Variants in RBM19 observed in about 807,000 individuals in gnomAD.
RBM19 encodes RNA binding motif protein 19.
RBM19 carries 94 observed loss-of-function variants against 116.8 expected under a neutral mutation model. That is an observed-to-expected ratio of 0.80 (90% CI 0.68 to 0.95). The LOEUF is 0.95. RBM19 is among the 40% of genes least tolerant of loss of function. The pLI is 0.00. For synonymous variants in RBM19, 475 were observed against 494.1 expected (o/e 0.96, Z 0.51); for missense variants, 1,161 against 1,220.7 (o/e 0.95, Z 0.73).
At chr12:113,839,318 G>T (rs1473145168) in intron 23 of RBM19, among the ~76,000 whole-genome samples, 4 of 152,238 alleles carry the variant, frequency 2.6e-5, no homozygotes, top group African/African-American at 9.6e-5. Flanking sequence ...AACATTTGAG[G>T]CTGCTGTGGG....
At chr12:113,958,600 G>A (rs1872186161) in intron 5 of RBM19, among the ~76,000 whole-genome samples, 1 of 152,028 alleles carries the variant, frequency 6.6e-6, no homozygotes, top group South Asian at 2.1e-4. Flanking sequence ...TGAGTTCCTC[G>A]GATGTGAACT....
At chr12:113,896,434 T>C (rs1593548161) in intron 21 of RBM19, among the ~76,000 whole-genome samples, 1 of 152,274 alleles carries the variant, frequency 6.6e-6, no homozygotes, top group South Asian at 2.1e-4. Flanking sequence ...CCGCCCCCCA[T>C]GGGAGGGGAG....
chr12:113,897,555 C>T (rs1014565110), intron 21 of RBM19, among the ~76,000 whole-genome samples: 3 of 152,032 alleles, frequency 2.0e-5, no homozygotes, highest in Admixed American at 2.0e-4. Flanking sequence ...CTCGCACCTA[C>T]AATCCCGGCT....
At chr12:113,843,881 T>G (rs1876717868) in intron 23 of RBM19, among the ~76,000 whole-genome samples, 1 of 152,222 alleles carries the variant, frequency 6.6e-6, no homozygotes, top group South Asian at 2.1e-4. Flanking sequence ...CTGTCCTCCC[T>G]GTTTCTCACA....
intron 23 of RBM19, among the ~76,000 whole-genome samples, chr12:113,836,392 C>A (rs1012173078): frequency 6.6e-6 from 1 of 152,108 alleles, no homozygotes; most frequent in Non-Finnish European, 1.5e-5. Flanking sequence ...CCCTGTCCTT[C>A]GCTGTTCAAT....
intron 21 of RBM19, among the ~76,000 whole-genome samples, chr12:113,894,023 C>A (rs1478082594): frequency 6.6e-6 from 1 of 152,206 alleles, no homozygotes; most frequent in Non-Finnish European, 1.5e-5. Context: ...GCACTGAGCA[C>A]TCCACCTTTT....
intron 23 of RBM19, 53 bp from the exon 24 acceptor site, chr12:113,823,374 G>A: frequency 6.7e-7 from 1 of 1,494,816 alleles, no homozygotes; most frequent in Non-Finnish European, 9.2e-7. Context: ...AGAGGGTTGG[G>A]AGGCAGGAAG....
At chr12:113,946,323 G>A (rs755912165) in intron 12 of RBM19, 31 bp downstream of exon 12, 2 of 1,614,000 alleles carry the variant, frequency 1.2e-6, no homozygotes, top group Non-Finnish European at 1.7e-6. Context: ...GGTTGGGGTT[G>A]GAGCTCAGTG....
chr12:113,939,460 C>T (rs1870349557), intron 15 of RBM19, among the ~76,000 whole-genome samples: 1 of 152,130 alleles, frequency 6.6e-6, no homozygotes, highest in Non-Finnish European at 1.5e-5. Flanking sequence ...TCAGAACTCC[C>T]TTCTCCCGGC....
chr12:113,934,965 C>T (rs1389604291), intron 16 of RBM19, among the ~76,000 whole-genome samples: 1 of 152,206 alleles, frequency 6.6e-6, no homozygotes, highest in Non-Finnish European at 1.5e-5. Context: ...CTGGGCCCCC[C>T]GGGGTGCTGG....
rs139946636 is a variant in RBM19 at position 113,958,588 on chromosome 12, CCT to C, written c.572-540_572-539del. 5.4e-3 allele frequency among the ~76,000 whole-genome samples: 828 copies of C among 152,326 alleles called. 8 individuals are homozygous for C. Among genetic ancestry groups the C allele is most frequent in the African/African-American group, 0.019 (779 of 41,562 alleles). On this transcript the variant is annotated intron_variant, in intron 5 of 23. Transcript: ENST00000261741. ...TCCCCTACCGTGTCCCACTAAGTCC[CCT>C]GAGTTCCTCGGATGTGAACTTAGTG... is the stretch of plus-strand genomic sequence containing the variant.
intron 19 of RBM19, 90 bp downstream of exon 19, chr12:113,920,521 C>T: frequency 2.6e-6 from 3 of 1,175,074 alleles, no homozygotes; most frequent in Non-Finnish European, 3.8e-6. Context: ...AGACTTCATA[C>T]ATATTCTCAC....
chr12:113,923,294 C>T (rs1022622689), intron 18 of RBM19, among the ~76,000 whole-genome samples: 1 of 152,078 alleles, frequency 6.6e-6, no homozygotes, highest in African/African-American at 2.4e-5. Context: ...CATCTATAAG[C>T]CCAGAGACAG....
intron 10 of RBM19, among the ~76,000 whole-genome samples, chr12:113,947,859 T>C (rs992520383): frequency 1.4e-5 from 2 of 146,004 alleles, no homozygotes; most frequent in Admixed American, 6.6e-5. Flanking sequence ...TCTGCATTGG[T>C]TTCAACTCTG....
intron 23 of RBM19, among the ~76,000 whole-genome samples, chr12:113,830,589 G>GGGGGGGGGT (rs1565960614): frequency 2.7e-5 from 2 of 73,082 alleles, no homozygotes; most frequent in Non-Finnish European, 5.2e-5. Context: ...GGGGGGGGGG[G>GGGGGGGGGT]TGGGCTATGC....
chr12:113,949,086 G>A (rs372739404), intron 9 of RBM19, 50 bp from the exon 10 acceptor site: 15 of 1,505,984 alleles, frequency 1.0e-5, no homozygotes, highest in Non-Finnish European at 1.4e-5. Context: ...GAACTTGCCA[G>A]CAACTCCTTG....
rs554928282 is a variant in RBM19, at chr12:113,882,495, T to C, written c.2559-23599A>G. Among the ~76,000 whole-genome samples, 54 of 152,336 alleles carry C rather than the reference T, an allele frequency of 3.5e-4. No individual in the cohort carries two copies. The South Asian group carries it at 6.0e-3, about 17-fold the overall frequency. On this transcript the variant is annotated intron_variant, in intron 21 of 23. Transcript: ENST00000261741. ...AGGTAAAGAATCAGCATATTTTATTTGAAAGGAGCTCTAGGCTCATAGTAA... is the reference window on the plus strand; with the variant it reads ...AGGTAAAGAATCAGCATATTTTATTCGAAAGGAGCTCTAGGCTCATAGTAA...
At chr12:113,916,539 G>A (rs954569144) in intron 20 of RBM19, among the ~76,000 whole-genome samples, 2 of 152,212 alleles carry the variant, frequency 1.3e-5, no homozygotes, top group African/African-American at 4.8e-5. Context: ...CTGTATCAGG[G>A]CAGGTCTGGG....
At chr12:113,862,959 C>T (rs1453654855) in intron 21 of RBM19, among the ~76,000 whole-genome samples, 2 of 152,138 alleles carry the variant, frequency 1.3e-5, no homozygotes, top group African/African-American at 4.8e-5. Context: ...CCTGCAGCCC[C>T]ACCCCCTCTG....
Sources: allele counts gnomAD v4.1 joint callset (sites outside exome capture counted in the v4.1 genomes callset), GRCh38; gene constraint gnomAD v4.1.1; transcripts MANE v1.5; gene names NCBI Gene and HGNC (gene_info 2026-07-23, HGNC 2026-07-21).